ANKRD28: variants seen among roughly 807,000 people sequenced by gnomAD.
ANKRD28 encodes ankyrin repeat domain 28, also known as serine/threonine-protein phosphatase 6 regulatory ankyrin repeat subunit A.
Under a neutral mutation model 126.5 loss-of-function variants are expected in ANKRD28, and 44 were observed. The observed-to-expected ratio is 0.35, with a 90% confidence interval of 0.27 to 0.45. ANKRD28 has a LOEUF of 0.45. Among genes scored for constraint, ANKRD28 ranks in the 20% least tolerant of loss-of-function variants. The probability of loss-of-function intolerance (pLI) is 1.00; values close to 1 mark genes in which losing one functional copy is unlikely to be tolerated. For synonymous variants in ANKRD28, 442 were observed against 468.5 expected (o/e 0.94, Z 0.73); for missense variants, 1,110 against 1,316.6 (o/e 0.84, Z 2.43).
chr3:15,743,545 A>AACAC (rs4036221), intron 4 of ANKRD28, among the ~76,000 whole-genome samples: 2,364 of 140,472 alleles, frequency 0.017, 24 homozygotes, highest in Middle Eastern at 0.029. Flanking sequence ...GTGGCTTTTT[A>AACAC]ACACACACAC....
chr3:15,772,398 G>C (rs1182548463), intron 2 of ANKRD28, among the ~76,000 whole-genome samples: 1 of 152,090 alleles, frequency 6.6e-6, no homozygotes, highest in East Asian at 1.9e-4. Flanking sequence ...TTATCATCCT[G>C]ATACCAAAAC....
At chr3:15,741,222 A>T (rs2075446325) in intron 4 of ANKRD28, among the ~76,000 whole-genome samples, 2 of 152,062 alleles carry the variant, frequency 1.3e-5, no homozygotes, top group Admixed American at 6.6e-5. Context: ...AAAAAACAAA[A>T]AACGTGTCAG....
chr3:15,730,228 G>T (rs1422269919), intron 6 of ANKRD28, among the ~76,000 whole-genome samples: 2 of 152,100 alleles, frequency 1.3e-5, no homozygotes, highest in African/African-American at 4.8e-5. Flanking sequence ...AGCTAAACTT[G>T]GCTGAATATT....
At chr3:15,825,768 T>C (rs2061052198) in intron 1 of ANKRD28, among the ~76,000 whole-genome samples, 1 of 152,052 alleles carries the variant, frequency 6.6e-6, no homozygotes, top group Non-Finnish European at 1.5e-5. Context: ...AATAGAGATA[T>C]ATACTTACCA....
intron 1 of ANKRD28, among the ~76,000 whole-genome samples, chr3:15,824,694 T>C (rs1264868607): frequency 2.0e-5 from 3 of 152,216 alleles, no homozygotes; most frequent in Non-Finnish European, 2.9e-5. Flanking sequence ...AAGGAAAATA[T>C]TTACAAATAA....
intron 14 of ANKRD28, among the ~76,000 whole-genome samples, chr3:15,707,424 G>A (rs992407098): frequency 7.2e-5 from 11 of 152,304 alleles, no homozygotes; most frequent in African/African-American, 1.9e-4. Context: ...TAAGCAACAT[G>A]TAGTACCTAC....
upstream of ANKRD28, chr3:15,798,269 T>C (rs1002030859): frequency 6.3e-6 from 4 of 629,942 alleles, no homozygotes; most frequent in African/African-American, 4.0e-5. Context: ...ATAATGACAG[T>C]TGCAGTAAGA....
chr3:15,795,612 T>C (rs1296559792), intron 1 of ANKRD28, among the ~76,000 whole-genome samples: 2 of 152,246 alleles, frequency 1.3e-5, no homozygotes, highest in South Asian at 2.1e-4. Context: ...AGAAAGACTC[T>C]TCCAAATACA....
chr3:15,692,203 C>T (rs1320562223), intron 17 of ANKRD28, among the ~76,000 whole-genome samples: 1 of 149,026 alleles, frequency 6.7e-6, no homozygotes, highest in Non-Finnish European at 1.5e-5. Flanking sequence ...TATATCTCAG[C>T]ACTTTGGCAG....
intron 27 of ANKRD28, among the ~76,000 whole-genome samples, chr3:15,675,327 G>A (rs115964500): frequency 1.9e-3 from 294 of 152,228 alleles, no homozygotes; most frequent in African/African-American, 6.5e-3. Flanking sequence ...GAATAACTGC[G>A]GACAGCAAGA....
rs116395353 is a variant in ANKRD28 at position 15,670,901 on chromosome 3, T to A, written c.2966-345A>T. ...ACATATCGTGAATATTCTTTCAGGA[T>A]GGTAGGCAGAGATTTACTGTTAATT... On this transcript the variant is annotated intron_variant, in intron 27 of 27. Coordinates refer to ENST00000683139, the MANE Select transcript of ANKRD28 (RefSeq NM_001349278.2). Among the ~76,000 whole-genome samples the A allele has an allele frequency of 4.4e-3, 666 of 152,350 alleles. 6 individuals carry two copies. The highest frequency in any genetic ancestry group is 0.015 in the African/African-American group (618 of 41,580).
intron 1 of ANKRD28, among the ~76,000 whole-genome samples, chr3:15,844,222 A>C (rs757090860): frequency 6.6e-6 from 1 of 152,192 alleles, no homozygotes; most frequent in Non-Finnish European, 1.5e-5. Context: ...TGGTCACCCA[A>C]ACAAAATCTC....
At chr3:15,701,393 C>T (rs1239978909) in intron 14 of ANKRD28, among the ~76,000 whole-genome samples, 3 of 152,010 alleles carry the variant, frequency 2.0e-5, no homozygotes, top group African/African-American at 7.3e-5. Flanking sequence ...GCCTGTAATC[C>T]CAGCACTTTG....
At position 15,777,348 on chromosome 3, in the gene ANKRD28, T is replaced by C. The variant is rs1053600076; in HGVS notation, c.202-11036A>G. ...AAACTACTTATCCTTTATCTACCCA[T>C]GCCCCCTCCCCAAAGCATCAATTTG... On this transcript the variant is annotated intron_variant, in intron 2 of 27. Coordinates refer to ENST00000683139, the MANE Select transcript of ANKRD28 (RefSeq NM_001349278.2). 2.0e-5 allele frequency among the ~76,000 whole-genome samples: 3 copies of C among 151,678 alleles called. No homozygotes were observed. In the South Asian group the frequency reaches 6.3e-4, roughly 32 times the overall value.
intron 2 of ANKRD28, among the ~76,000 whole-genome samples, chr3:15,794,184 T>C (rs1011856577): frequency 1.3e-4 from 20 of 152,112 alleles, no homozygotes; most frequent in Admixed American, 9.8e-4. Flanking sequence ...TATATAATGA[T>C]AGCATTCTGT....
rs2066174634 is a variant in ANKRD28 at position 15,669,724 on chromosome 3, A to T, written c.*546T>A. The T allele has an allele frequency of 6.6e-6, 1 of 152,568 alleles. No homozygotes were observed. Among genetic ancestry groups the T allele is most frequent in the African/African-American group, 2.4e-5 (1 of 41,436 alleles). The allele number at this position is 152,568 out of a possible 1,614,324, so 9.5% of individuals were successfully genotyped here. On this transcript the variant is annotated 3_prime_UTR_variant, in exon 28 of 28. Coordinates refer to ENST00000683139, the MANE Select transcript of ANKRD28 (RefSeq NM_001349278.2). ...AACTCAACATTTAAAACCAAATCTC[A>T]GCTTCATTTCCAGAAATATTGCAGT...
At chr3:15,834,220 T>C (rs533104539) in intron 1 of ANKRD28, among the ~76,000 whole-genome samples, 3 of 152,322 alleles carry the variant, frequency 2.0e-5, no homozygotes, top group Admixed American at 6.5e-5. Context: ...TTAATCCATC[T>C]TGAGTTAATC....
Position 15,797,970 on chromosome 3 carries a change from C to A in ANKRD28, c.-1449G>T. The A allele has an allele frequency of 1.0e-6, 1 of 985,336 alleles. No homozygotes were observed. The highest frequency in any genetic ancestry group is 1.2e-6 in the Non-Finnish European group (1 of 829,890). 61.0% of individuals were successfully genotyped at this position (985,336 alleles called of 1,614,324 possible). A position where few individuals can be genotyped will look rare whatever the true frequency, so the allele number is the denominator to read the frequency against. On this transcript the variant is annotated 5_prime_UTR_variant, in exon 1 of 28. Coordinates refer to ENST00000683139, the MANE Select transcript of ANKRD28 (RefSeq NM_001349278.2). ...TAGTAATGCTCACATGTTACACTTACCAGAGATCTGAGCTACTTCTCGGGA... is the reference window on the plus strand; with the variant it reads ...TAGTAATGCTCACATGTTACACTTAACAGAGATCTGAGCTACTTCTCGGGA...
chr3:15,840,542 T>C (rs907515942), intron 1 of ANKRD28, among the ~76,000 whole-genome samples: 1 of 151,364 alleles, frequency 6.6e-6, no homozygotes, highest in African/African-American at 2.4e-5. Context: ...AAAAAAACAA[T>C]CCTAACATTT....
Sources: gnomAD v4.1 joint callset for allele counts (sites outside exome capture counted in the v4.1 genomes callset) on GRCh38, gnomAD v4.1.1 for gene constraint, MANE v1.5 for transcripts, NCBI Gene and HGNC (gene_info 2026-07-23, HGNC 2026-07-21) for gene names.